TTC3: variants seen among roughly 807,000 people sequenced by gnomAD.
TTC3 encodes the protein tetratricopeptide repeat domain 3.
Under a neutral mutation model 249.6 loss-of-function variants are expected in TTC3, and 180 were observed. That is an observed-to-expected ratio of 0.72 (90% CI 0.64 to 0.82). The LOEUF (loss-of-function observed/expected upper bound fraction) is 0.82. Among genes scored for constraint, TTC3 ranks in the 40% least tolerant of loss-of-function variants. The pLI is 0.00. For missense variants in TTC3, 2,061 were observed against 2,398.4 expected (o/e 0.86, Z 2.94); for synonymous variants, 717 against 805.0 (o/e 0.89, Z 1.85).
At chr21:37,087,339 T>G (rs773425574) in exon 2 of TTC3, 6 of 1,613,964 alleles carry the variant, frequency 3.7e-6, no homozygotes, top group African/African-American at 1.3e-5. Context: ...TGATTGTGTC[T>G]TTGCTGCTGA....
chr21:37,158,661 G>A (rs1350352126), intron 28 of TTC3, among the ~76,000 whole-genome samples: 1 of 151,994 alleles, frequency 6.6e-6, no homozygotes, highest in South Asian at 2.1e-4. Context: ...GCCCCTTAAA[G>A]CAGTATGACT....
chr21:37,159,860 T>C, intron 29 of TTC3, 115 bp downstream of exon 29: 1 of 950,822 alleles, frequency 1.1e-6, no homozygotes, highest in South Asian at 1.4e-5. Context: ...AGAACCACAT[T>C]AAAAGGACGT....
At chr21:37,148,550 T>G (rs770402563) in exon 23 of TTC3, 1 of 1,582,126 alleles carries the variant, frequency 6.3e-7, no homozygotes, top group Admixed American at 1.9e-5. Flanking sequence ...CCCTAGGGTT[T>G]TATACGCATC....
chr21:37,195,748 C>A, exon 42 of TTC3: 1 of 1,614,158 alleles, frequency 6.2e-7, no homozygotes. Flanking sequence ...AGCGACGTGA[C>A]TGGAAACCAC....
intron 33 of TTC3, among the ~76,000 whole-genome samples, 193 bp from the exon 34 acceptor site, chr21:37,167,362 T>TAATCA (rs1322297937): frequency 6.6e-6 from 1 of 152,194 alleles, no homozygotes; most frequent in Non-Finnish European, 1.5e-5. Flanking sequence ...CAATGGATCA[T>TAATCA]AATCATTTCC....
At chr21:37,147,721 C>A in intron 22 of TTC3, 118 bp downstream of exon 22, 2 of 1,244,958 alleles carry the variant, frequency 1.6e-6, no homozygotes, top group Non-Finnish European at 2.2e-6. Context: ...TCGTCCACCC[C>A]TTTCCCAGGA....
intron 1 of TTC3, among the ~76,000 whole-genome samples, chr21:37,080,787 C>T (rs1006599715): frequency 1.3e-5 from 2 of 151,294 alleles, no homozygotes; most frequent in African/African-American, 2.4e-5. Context: ...CTGGAATATT[C>T]TTTTCTTTCA....
chr21:37,087,384 C>T (rs888486317), exon 2 of TTC3: 1 of 1,613,862 alleles, frequency 6.2e-7, no homozygotes. Context: ...TGTGACTCAG[C>T]TTTACTGTGA....
chr21:37,195,774 G>A, exon 42 of TTC3: 1 of 1,614,196 alleles, frequency 6.2e-7, no homozygotes, highest in Non-Finnish European at 8.5e-7. Flanking sequence ...ACTTCACAGG[G>A]ATCCTAGTGT....
chr21:37,137,436 G>A (rs1346298447), intron 18 of TTC3, among the ~76,000 whole-genome samples: 2 of 152,154 alleles, frequency 1.3e-5, no homozygotes, highest in Non-Finnish European at 2.9e-5. Flanking sequence ...TGACTTTGAG[G>A]GGTTCAGGAC....
intron 11 of TTC3, among the ~76,000 whole-genome samples, chr21:37,116,116 ACTGT>A (rs1246052333): frequency 6.6e-6 from 1 of 152,202 alleles, no homozygotes; most frequent in East Asian, 1.9e-4. Flanking sequence ...TTGAATCCAG[ACTGT>A]CTGACAAGCT....
At chr21:37,179,195 G>T (rs1294553575) in intron 35 of TTC3, among the ~76,000 whole-genome samples, 1 of 152,120 alleles carries the variant, frequency 6.6e-6, no homozygotes, top group Non-Finnish European at 1.5e-5. Flanking sequence ...GCTGAGGTGG[G>T]AGGATCACTT....
intron 20 of TTC3, among the ~76,000 whole-genome samples, chr21:37,142,717 A>C (rs185274774): frequency 0.014 from 2,153 of 152,300 alleles, 50 homozygotes; most frequent in African/African-American, 0.048. Context: ...GCTACCAATG[A>C]CTTTCTTCAC....
chr21:37,146,729 G>T (rs879372024), intron 21 of TTC3, among the ~76,000 whole-genome samples: 1 of 152,188 alleles, frequency 6.6e-6, no homozygotes, highest in South Asian at 2.1e-4. Flanking sequence ...CTGCTAATGC[G>T]TATGGAGTTT....
At chr21:37,093,780 T>C (rs1441493892) in intron 7 of TTC3, among the ~76,000 whole-genome samples, 1 of 152,144 alleles carries the variant, frequency 6.6e-6, no homozygotes, top group East Asian at 1.9e-4. Context: ...ATTAGATTCA[T>C]AGCAAGCAAT....
chr21:37,159,741 C>T, exon 29 of TTC3: 1 of 1,610,392 alleles, frequency 6.2e-7, no homozygotes. Flanking sequence ...AGTGGTGAAG[C>T]ACCGGTAAGT....
Position 37,086,988 on chromosome 21 carries a change from T to C in TTC3, c.-11-259T>C, listed in dbSNP as rs970601420. Reference sequence around the variant, plus strand: ...GATGATCCTCTATTTAAAGGAGACATGTAAACAGGTTAACTTAGAGTAGAG... The same window carrying C: ...GATGATCCTCTATTTAAAGGAGACACGTAAACAGGTTAACTTAGAGTAGAG... On this transcript the variant is annotated intron_variant, in intron 1 of 45. Transcript: ENST00000355666. 5 of 420,096 alleles carry C rather than the reference T, an allele frequency of 1.2e-5. No homozygotes were observed. In the South Asian group the frequency reaches 1.8e-4, roughly 15 times the overall value. The allele number at this position is 420,096 out of a possible 1,614,324, so 26.0% of individuals were successfully genotyped here.
In TTC3 at chr21:37,088,776, TAAA is replaced by T. The variant is rs1568871369; in HGVS notation, c.339-19_339-17del. On this transcript the variant is annotated intron_variant, in intron 4 of 45. Coordinates refer to ENST00000355666, the Ensembl canonical transcript of TTC3. ...TTGTATATATGAGAATCTAATCTTT[TAAA>T]AAATAAATTTGTCTTTAAGCAATTC... The T allele has an allele frequency of 6.3e-7, 1 of 1,597,262 alleles. No homozygotes were observed. The highest frequency in any genetic ancestry group is 1.1e-5 in the South Asian group (1 of 88,896).
chr21:37,201,665 C>T lies in TTC3; in HGVS notation c.*91C>T, dbSNP rs1569215312. On this transcript the variant is annotated 3_prime_UTR_variant, in exon 46 of 46. Coordinates refer to ENST00000355666, the Ensembl canonical transcript of TTC3. Reference sequence around the variant, plus strand: ...GGTGTAAAAAACAAACATTTGAAGACCCTTGTGCATTGTGTGTCACAAAGC... The same window carrying T: ...GGTGTAAAAAACAAACATTTGAAGATCCTTGTGCATTGTGTGTCACAAAGC... The T allele has an allele frequency of 2.7e-6, 4 of 1,499,248 alleles. No individual in the cohort carries two copies. The Admixed American group carries it at 6.6e-5, about 25-fold the overall frequency. The allele number at this position is 1,499,248 out of a possible 1,614,324, so 92.9% of individuals were successfully genotyped here.
Sources: gnomAD v4.1 joint callset for allele counts (sites outside exome capture counted in the v4.1 genomes callset) on GRCh38, gnomAD v4.1.1 for gene constraint, MANE v1.5 for transcripts, NCBI Gene and HGNC (gene_info 2026-07-23, HGNC 2026-07-21) for gene names.